GPC6: variants seen among roughly 807,000 people sequenced by gnomAD.
GPC6 encodes glypican-6.
Under a neutral mutation model 55.2 loss-of-function variants are expected in GPC6, and 14 were observed. That is an observed-to-expected ratio of 0.25 (90% CI 0.17 to 0.40). The LOEUF (loss-of-function observed/expected upper bound fraction) is 0.40. Among genes scored for constraint, GPC6 ranks in the 10% least tolerant of loss-of-function variants. GPC6 has a pLI of 1.00. For missense variants in GPC6, 641 were observed against 708.5 expected (o/e 0.90, Z 1.08); for synonymous variants, 278 against 259.6 (o/e 1.07, Z -0.68).
intron 2 of GPC6, among the ~76,000 whole-genome samples, chr13:93,553,972 TAAA>T (rs35301097): frequency 1.8e-3 from 238 of 134,136 alleles, no homozygotes; most frequent in Middle Eastern, 3.9e-3. Context: ...CCGTCTCTAC[TAAA>T]AAAAAAAAAA....
intron 3 of GPC6, among the ~76,000 whole-genome samples, chr13:93,898,306 T>C (rs901218060): frequency 6.6e-6 from 1 of 152,126 alleles, no homozygotes; most frequent in Non-Finnish European, 1.5e-5. Context: ...GAAACACAGT[T>C]CCTGCCTCTG....
chr13:93,245,946 G>C (rs1447506858), intron 1 of GPC6, among the ~76,000 whole-genome samples: 1 of 152,128 alleles, frequency 6.6e-6, no homozygotes, highest in Non-Finnish European at 1.5e-5. Context: ...GCTTTAAATG[G>C]GAAATGGGCA....
chr13:94,361,591 C>T (rs752720797), intron 6 of GPC6, among the ~76,000 whole-genome samples: 5 of 152,240 alleles, frequency 3.3e-5, no homozygotes, highest in African/African-American at 4.8e-5. Context: ...TGCCCACTTT[C>T]GGAAATCCAG....
chr13:94,405,167 A>G lies in GPC6; in HGVS notation c.*1950A>G, dbSNP rs1816990139. On this transcript the variant is annotated 3_prime_UTR_variant, in exon 9 of 9. Transcript: ENST00000377047. ...AGACAGAAAGTATTTACAAGCATCT[A>G]TTGCTACTTTATGCCTAATGAAATA... 6.6e-6 allele frequency: 1 copy of G among 152,236 alleles called. No individual in the cohort carries two copies. Among genetic ancestry groups the G allele is most frequent in the Middle Eastern group, 3.2e-3 (1 of 316 alleles). The allele number at this position is 152,236 out of a possible 1,614,324, so 9.4% of individuals were successfully genotyped here. A position where few individuals can be genotyped will look rare whatever the true frequency, so the allele number is the denominator to read the frequency against.
chr13:93,912,909 G>A (rs1490192073), intron 3 of GPC6, among the ~76,000 whole-genome samples: 1 of 152,086 alleles, frequency 6.6e-6, no homozygotes, highest in African/African-American at 2.4e-5. Context: ...CTTTGTAGTT[G>A]TATCACTTTA....
intron 3 of GPC6, among the ~76,000 whole-genome samples, chr13:93,931,015 C>T (rs879856868): frequency 6.6e-6 from 1 of 152,080 alleles, no homozygotes; most frequent in South Asian, 2.1e-4. Context: ...AACCAGATCT[C>T]GCAAGCGCTC....
chr13:93,446,742 T>C (rs115491433), intron 1 of GPC6, among the ~76,000 whole-genome samples: 1 of 152,322 alleles, frequency 6.6e-6, no homozygotes, highest in African/African-American at 2.4e-5. Flanking sequence ...GCTGTTAGAT[T>C]CGATGTTTGC....
At chr13:93,919,042 C>G (rs958880078) in intron 3 of GPC6, among the ~76,000 whole-genome samples, 1 of 152,128 alleles carries the variant, frequency 6.6e-6, no homozygotes. Flanking sequence ...GTAGCACCAT[C>G]CCCTTGGTGA....
At chr13:93,839,603 G>A (rs1221790271) in intron 3 of GPC6, among the ~76,000 whole-genome samples, 1 of 152,180 alleles carries the variant, frequency 6.6e-6, no homozygotes, top group South Asian at 2.1e-4. Context: ...CAGTCACATC[G>A]TCATCACTTA....
chr13:94,257,219 A>G (rs1255619422), intron 4 of GPC6, among the ~76,000 whole-genome samples: 1 of 152,240 alleles, frequency 6.6e-6, no homozygotes, highest in Non-Finnish European at 1.5e-5. Context: ...ATGACAAAAA[A>G]TCAACACATA....
At chr13:93,737,901 T>A (rs1296162995) in intron 2 of GPC6, among the ~76,000 whole-genome samples, 1 of 152,074 alleles carries the variant, frequency 6.6e-6, no homozygotes, top group Admixed American at 6.6e-5. Flanking sequence ...AAGTATGTTT[T>A]TAAAAGTACT....
chr13:94,004,029 G>C (rs1343405765), intron 3 of GPC6, among the ~76,000 whole-genome samples: 1 of 152,276 alleles, frequency 6.6e-6, no homozygotes, highest in South Asian at 2.1e-4. Flanking sequence ...ATAAAATAAA[G>C]TATGCTTAGG....
chr13:93,816,982 C>T (rs899616679), intron 2 of GPC6, among the ~76,000 whole-genome samples: 2 of 152,102 alleles, frequency 1.3e-5, no homozygotes, highest in African/African-American at 4.8e-5. Context: ...AGCCTCTGTA[C>T]CTAATTGTGC....
At chr13:94,251,370 A>T (rs1429767214) in intron 4 of GPC6, among the ~76,000 whole-genome samples, 1 of 151,634 alleles carries the variant, frequency 6.6e-6, no homozygotes, top group Non-Finnish European at 1.5e-5. Flanking sequence ...TAAAACCTAG[A>T]TGACGGGTTG....
intron 2 of GPC6, among the ~76,000 whole-genome samples, chr13:93,824,206 T>TA (rs1273913873): frequency 1.3e-5 from 2 of 152,176 alleles, no homozygotes; most frequent in African/African-American, 2.4e-5. Context: ...AATTGCTTTT[T>TA]AAAAAAACTG....
chr13:93,784,258 G>T (rs191547009), intron 2 of GPC6, among the ~76,000 whole-genome samples: 6 of 152,268 alleles, frequency 3.9e-5, no homozygotes, highest in African/African-American at 1.4e-4. Flanking sequence ...ATTAGAAATA[G>T]TATCTTCCTG....
At chr13:93,307,983 T>TGGCCGGGCATGGTGGCTCA (rs1164956075) in intron 1 of GPC6, among the ~76,000 whole-genome samples, 1 of 152,122 alleles carries the variant, frequency 6.6e-6, no homozygotes, top group Non-Finnish European at 1.5e-5. Flanking sequence ...TGAAAAATGG[T>TGGCCGGGCATGGTGGCTCA]GGCCGGGCAT....
chr13:93,366,356 G>A (rs757034498), intron 1 of GPC6, among the ~76,000 whole-genome samples: 6 of 152,016 alleles, frequency 3.9e-5, no homozygotes, highest in Non-Finnish European at 7.4e-5. Context: ...GGAGCAGCAT[G>A]TCATCAACAA....
intron 4 of GPC6, among the ~76,000 whole-genome samples, chr13:94,112,313 A>G (rs1457806974): frequency 2.0e-5 from 3 of 152,184 alleles, no homozygotes; most frequent in Admixed American, 6.5e-5. Flanking sequence ...TTCATTTGCT[A>G]AAGTACAGTT....
Sources: allele counts gnomAD v4.1 joint callset (sites outside exome capture counted in the v4.1 genomes callset), GRCh38; gene constraint gnomAD v4.1.1; transcripts MANE v1.5; gene names NCBI Gene and HGNC (gene_info 2026-07-23, HGNC 2026-07-21).